The following SEMA4D variants were observed in gnomAD, a reference collection of about 807,000 sequenced individuals.
SEMA4D encodes the protein semaphorin 4D, also known as semaphorin-4D.
A neutral mutation model predicts 74.8 loss-of-function variants in SEMA4D; 22 were observed. The observed-to-expected ratio is 0.29, with a 90% CI of 0.21 to 0.42. The LOEUF (loss-of-function observed/expected upper bound fraction) is 0.42, where lower values mean the gene tolerates loss of function less well. Among genes scored for constraint, SEMA4D ranks in the 10% least tolerant of loss-of-function variants. The pLI, the probability that SEMA4D is intolerant of heterozygous loss-of-function variation, is 1.00. For synonymous variants in SEMA4D, 445 were observed against 463.7 expected, an observed-to-expected ratio of 0.96 and a Z score of 0.52; for missense variants, 937 against 1,118.4, an observed-to-expected ratio of 0.84 and a Z score of 2.31.
intron 2 of SEMA4D, among the ~76,000 whole-genome samples, chr9:89,447,774 C>A (rs545970236): frequency 6.6e-6 from 1 of 151,482 alleles, no homozygotes; most frequent in African/African-American, 2.4e-5. Context: ...TCTGCCTCAG[C>A]CCACTGCCCC....
In SEMA4D at chr9:89,413,504, A is replaced by G. The variant is rs558734163; in HGVS notation, c.-243-7805T>C. ...CACGCATGTGCATCTGTATTTCTGT[A>G]TGTGTGCACATGAACCCGCATAGAT... On this transcript the variant is annotated intron_variant, in intron 2 of 15. Transcript: ENST00000422704. Among the ~76,000 whole-genome samples the G allele has an allele frequency of 3.3e-5, 5 of 152,226 alleles. No individual in the cohort carries two copies. The East Asian group carries it at 9.7e-4, about 29-fold the overall frequency.
intron 1 of SEMA4D, among the ~76,000 whole-genome samples, chr9:89,478,864 C>T (rs998961852): frequency 6.7e-6 from 1 of 148,556 alleles, no homozygotes; most frequent in East Asian, 2.0e-4. Flanking sequence ...TTACCCTGAA[C>T]TCAGCAGCCT....
In SEMA4D at chr9:89,381,001, G is replaced by A; in HGVS notation, c.1663+54C>T. 8 of 1,603,436 alleles carry A rather than the reference G, an allele frequency of 5.0e-6. No homozygotes were observed. In the South Asian group the frequency reaches 8.8e-5, roughly 18 times the overall value. On this transcript the variant is annotated intron_variant, in intron 15 of 15. Coordinates refer to ENST00000422704, the MANE Select transcript of SEMA4D (RefSeq NM_001371194.2). This position sits in a 1 kb window ranked among gnomAD's most constrained non-coding sequence, Gnocchi z 4.6. ...CCACAGAACTGAAGCACCGTGAAAT[G>A]GCTACAAGACCTCGCCACTCCCAAA...
At chr9:89,362,355 G>T (rs1293285714) in exon 19 of SEMA4D, 4 of 1,614,062 alleles carry the variant, frequency 2.5e-6, no homozygotes, top group Non-Finnish European at 3.4e-6. Flanking sequence ...AGTGGCAGCA[G>T]GGTCTTGTTG....
chr9:89,380,021 G>A (rs558752801), intron 15 of SEMA4D, among the ~76,000 whole-genome samples: 75 of 152,248 alleles, frequency 4.9e-4, no homozygotes, highest in African/African-American at 1.7e-3. Context: ...CTCTCCTCCT[G>A]CCTAAACTTT....
At chr9:89,449,244 A>G (rs1033373635) in intron 2 of SEMA4D, among the ~76,000 whole-genome samples, 10 of 152,330 alleles carry the variant, frequency 6.6e-5, no homozygotes, top group East Asian at 1.9e-4. Context: ...ATAGCACTTA[A>G]AGCTGGCTAA....
chr9:89,440,070 T>G (rs1003206712), intron 2 of SEMA4D, among the ~76,000 whole-genome samples: 4 of 152,134 alleles, frequency 2.6e-5, no homozygotes, highest in African/African-American at 9.7e-5. Flanking sequence ...CCAAGGGCAG[T>G]CCACAGAGAA....
In SEMA4D at chr9:89,379,337, G is replaced by A. The variant is rs781459597; in HGVS notation, c.1956C>T (p.Pro652=). 7.4e-6 allele frequency: 12 copies of A among 1,614,134 alleles called. No individual in the cohort carries two copies. The highest frequency in any genetic ancestry group is 1.6e-4 in the Middle Eastern group (1 of 6,062). ...CAACTGACAAGGTGGGGGCCACTAC[G>A]GGCTTTGGAACCACCTTCACTTCCA... ...HVLEVKVVPK[P]VVAPTLSVVQ... is the part of the protein sequence containing the mutation. Residue 652 remains proline, a synonymous_variant, in exon 16 of 16, where the codon CCC becomes CCT. Transcript: ENST00000422704.
exon 19 of SEMA4D, chr9:89,362,097 A>G: frequency 1.8e-6 from 1 of 551,248 alleles, no homozygotes; most frequent in East Asian, 3.0e-5. Context: ...GTTTTAGTTC[A>G]CGAGCAGCTA....
chr9:89,466,805 G>A (rs570980304), intron 1 of SEMA4D, among the ~76,000 whole-genome samples: 63 of 152,298 alleles, frequency 4.1e-4, no homozygotes, highest in Admixed American at 7.8e-4. Context: ...CATTCACCTC[G>A]GAGTGCACAT....
intron 1 of SEMA4D, among the ~76,000 whole-genome samples, chr9:89,459,236 T>C (rs1413100276): frequency 1.3e-5 from 2 of 149,864 alleles, no homozygotes; most frequent in Non-Finnish European, 3.0e-5. Context: ...GGAGCCCCAG[T>C]CCGGTAGTGC....
At chr9:89,418,768 G>A (rs1564706097) in intron 2 of SEMA4D, 3 of 152,138 alleles carry the variant, frequency 2.0e-5, no homozygotes, top group Non-Finnish European at 1.5e-5. Flanking sequence ...CCACGTGCAG[G>A]ACTGCAGACG....
At chr9:89,389,932 C>T (rs144688866) in intron 9 of SEMA4D, among the ~76,000 whole-genome samples, 58 of 152,220 alleles carry the variant, frequency 3.8e-4, no homozygotes, top group African/African-American at 1.3e-3. Context: ...TGTGTGCCTG[C>T]GTGGTAGGCA....
At chr9:89,384,865 C>T (rs1838075392) in intron 13 of SEMA4D, 2 of 985,294 alleles carry the variant, frequency 2.0e-6, no homozygotes, top group Admixed American at 6.1e-5. Context: ...GGCCATGGAG[C>T]TGGGCCTTCC....
chr9:89,442,439 G>C (rs1851878143), intron 2 of SEMA4D, among the ~76,000 whole-genome samples: 1 of 151,912 alleles, frequency 6.6e-6, no homozygotes, highest in Non-Finnish European at 1.5e-5. Flanking sequence ...CAGTGGAATA[G>C]AAAAAATTGT....
chr9:89,435,657 C>T (rs913830040), intron 2 of SEMA4D, among the ~76,000 whole-genome samples: 1 of 152,176 alleles, frequency 6.6e-6, no homozygotes, highest in African/African-American at 2.4e-5. Context: ...AGCAAAGATC[C>T]TGAACATCAG....
At position 89,492,736 on chromosome 9, in the gene SEMA4D, C is replaced by T. The variant is rs747639556; in HGVS notation, c.-310+5183G>A. Reference sequence around the variant, plus strand: ...GGATCCATCACAGTCCTGTTGGCTCCGTCTTCGCAGAACACCTGCAATCAG... The same window carrying T: ...GGATCCATCACAGTCCTGTTGGCTCTGTCTTCGCAGAACACCTGCAATCAG... On this transcript the variant is annotated intron_variant, in intron 1 of 15. Coordinates refer to ENST00000422704, the MANE Select transcript of SEMA4D (RefSeq NM_001371194.2). The surrounding 1 kb of genome is among the most constrained non-coding windows in gnomAD (Gnocchi z 4.3). Among the ~76,000 whole-genome samples, 3 of 152,146 alleles carry T rather than the reference C, an allele frequency of 2.0e-5. No homozygotes were observed. Among genetic ancestry groups the T allele is most frequent in the Non-Finnish European group, 4.4e-5 (3 of 68,022 alleles).
At chr9:89,467,050 T>C (rs1436396023) in intron 1 of SEMA4D, among the ~76,000 whole-genome samples, 1 of 152,188 alleles carries the variant, frequency 6.6e-6, no homozygotes, top group African/African-American at 2.4e-5. Context: ...CACAGCCCCA[T>C]GTGTGAAGTT....
chr9:89,403,470 A>T (rs1343655571), intron 3 of SEMA4D, among the ~76,000 whole-genome samples: 1 of 152,196 alleles, frequency 6.6e-6, no homozygotes, highest in African/African-American at 2.4e-5. Flanking sequence ...TCAGGAAAAG[A>T]ATGTTTTACT....
Sources: gnomAD v4.1 joint callset for allele counts (sites outside exome capture counted in the v4.1 genomes callset) on GRCh38, gnomAD v4.1.1 for gene constraint, Gnocchi (gnomAD v3.1) non-coding constraint, MANE v1.5 for transcripts, NCBI Gene and HGNC (gene_info 2026-07-23, HGNC 2026-07-21) for gene names.